The following SNAP91 variants were observed in gnomAD, a reference collection of about 807,000 sequenced individuals.
SNAP91 encodes the protein clathrin coat assembly protein AP180.
A neutral mutation model predicts 100.3 loss-of-function variants in SNAP91; 27 were observed. The ratio of observed to expected loss-of-function variants is 0.27; its 90% CI spans 0.20 to 0.37. The LOEUF (loss-of-function observed/expected upper bound fraction) is 0.37, where lower values mean the gene tolerates loss of function less well. SNAP91 is among the 10% of genes least tolerant of loss of function. SNAP91 has a pLI of 1.00. For missense variants in SNAP91, 986 were observed against 1,123.7 expected, an observed-to-expected ratio of 0.88 and a Z score of 1.75; for synonymous variants, 404 against 398.6, an observed-to-expected ratio of 1.01 and a Z score of -0.16.
chr6:83,616,011 C>G (rs1228603218), intron 10 of SNAP91, among the ~76,000 whole-genome samples: 1 of 152,154 alleles, frequency 6.6e-6, no homozygotes, highest in South Asian at 2.1e-4. Flanking sequence ...AGATTCCAAG[C>G]TCTCCCTGTA....
At chr6:83,670,244 CT>C (rs34522653) in intron 2 of SNAP91, among the ~76,000 whole-genome samples, 20,628 of 140,594 alleles carry the variant, frequency 0.15, 3,650 homozygotes, top group African/African-American at 0.44. Context: ...TGATATGGTC[CT>C]TTTTTTTTTT....
intron 8 of SNAP91, among the ~76,000 whole-genome samples, chr6:83,627,168 T>G (rs1188560710): frequency 1.3e-5 from 2 of 152,170 alleles, no homozygotes; most frequent in Non-Finnish European, 2.9e-5. Flanking sequence ...TTTGCATATG[T>G]TGAACCAACC....
At chr6:83,692,606 A>G (rs1168212885) in intron 2 of SNAP91, among the ~76,000 whole-genome samples, 1 of 152,158 alleles carries the variant, frequency 6.6e-6, no homozygotes, top group Non-Finnish European at 1.5e-5. Flanking sequence ...AAATTAATGT[A>G]GCTAAGATCA....
At chr6:83,587,737 T>C (rs1485227289) in intron 22 of SNAP91, among the ~76,000 whole-genome samples, 2 of 152,192 alleles carry the variant, frequency 1.3e-5, no homozygotes, top group Admixed American at 6.5e-5. Flanking sequence ...TGGTTTTATA[T>C]TGCGTTTATT....
chr6:83,686,348 A>G (rs1032098827), intron 2 of SNAP91: 1 of 213,590 alleles, frequency 4.7e-6, no homozygotes, highest in East Asian at 1.9e-4. Flanking sequence ...CTCTCAATAA[A>G]ATTCACTACT....
At chr6:83,659,217 G>A (rs1051569467) in intron 5 of SNAP91, 125 bp from the exon 6 acceptor site, 2 of 704,634 alleles carry the variant, frequency 2.8e-6, no homozygotes, top group Admixed American at 2.8e-5. Context: ...GGATCAATTT[G>A]AGGTATTACA....
At position 83,637,258 on chromosome 6, in the gene SNAP91, G is replaced by T. The variant is rs1170539615; in HGVS notation, c.765+3838C>A. 2.0e-5 allele frequency among the ~76,000 whole-genome samples: 3 copies of T among 152,278 alleles called. No homozygotes were observed. In the East Asian group the frequency reaches 5.8e-4, roughly 29 times the overall value. ...CCATGTTTTCTTTGCTCAAAAGGGG[G>T]CTTTGGCAGGCTGTGCTACCCTCTC... On this transcript the variant is annotated intron_variant, in intron 8 of 29. Coordinates refer to ENST00000369694, the MANE Select transcript of SNAP91 (RefSeq NM_001242792.2).
intron 11 of SNAP91, among the ~76,000 whole-genome samples, chr6:83,614,080 TAA>T (rs1468111657): frequency 6.6e-6 from 1 of 152,202 alleles, no homozygotes; most frequent in African/African-American, 2.4e-5. Context: ...AATATTTTGT[TAA>T]GTTTTATATG....
In SNAP91 at chr6:83,553,500, CACAA is replaced by C. The variant is rs796253985; in HGVS notation, c.*792_*795del. ...TCTAACCGCATTTTCATGAACATGACACAAACAGACCCTTTACTTTTCAGTGCAT... is the reference window on the plus strand; with the variant it reads ...TCTAACCGCATTTTCATGAACATGACACAGACCCTTTACTTTTCAGTGCAT... On this transcript the variant is annotated 3_prime_UTR_variant, in exon 30 of 30. Transcript: ENST00000369694. 5 of 152,198 alleles carry C rather than the reference CACAA, an allele frequency of 3.3e-5. No homozygotes were observed. Among genetic ancestry groups the C allele is most frequent in the African/African-American group, 9.6e-5 (4 of 41,542 alleles). The allele number at this position is 152,198 out of a possible 1,614,324, so 9.4% of individuals were successfully genotyped here.
chr6:83,683,694 T>G (rs2099022740), intron 2 of SNAP91, among the ~76,000 whole-genome samples: 1 of 152,236 alleles, frequency 6.6e-6, no homozygotes, highest in Admixed American at 6.5e-5. Flanking sequence ...CAAAATGGAC[T>G]AACACATTAA....
chr6:83,632,145 T>C (rs976663939), intron 8 of SNAP91, among the ~76,000 whole-genome samples: 1 of 152,142 alleles, frequency 6.6e-6, no homozygotes, highest in Admixed American at 6.5e-5. Context: ...TGGCTGATAA[T>C]TGTTTTATTT....
chr6:83,613,348 T>A (rs2096272578), intron 11 of SNAP91, among the ~76,000 whole-genome samples: 1 of 152,242 alleles, frequency 6.6e-6, no homozygotes, highest in African/African-American at 2.4e-5. Context: ...TGAATTTTTA[T>A]ATTAGAATAT....
At chr6:83,653,242 C>T (rs1186931015) in intron 7 of SNAP91, among the ~76,000 whole-genome samples, 1 of 152,096 alleles carries the variant, frequency 6.6e-6, no homozygotes, top group Non-Finnish European at 1.5e-5. Context: ...TGCTGTCCCA[C>T]AGTCTTATTC....
At chr6:83,690,177 C>T (rs1045497130) in intron 2 of SNAP91, 1 of 608,252 alleles carries the variant, frequency 1.6e-6, no homozygotes, top group Admixed American at 5.7e-5. Flanking sequence ...GTTACGAAAG[C>T]AATAACTTAA....
At chr6:83,611,539 G>A in intron 11 of SNAP91, 3 of 418,316 alleles carry the variant, frequency 7.2e-6, no homozygotes, top group Non-Finnish European at 9.5e-6. Flanking sequence ...TGCATGGCAG[G>A]GATGACTTTT....
rs1386535476 is a variant in SNAP91 at position 83,668,008 on chromosome 6, C to A, written c.131-2427G>T. ...AGAAAAAAACAAACAACCCCATCAA[C>A]AAGTGGGCAAAGGATATGAACAGAC... On this transcript the variant is annotated intron_variant, in intron 2 of 29. Coordinates refer to ENST00000369694, the MANE Select transcript of SNAP91 (RefSeq NM_001242792.2). 9.9e-5 allele frequency among the ~76,000 whole-genome samples: 15 copies of A among 152,012 alleles called. No homozygotes were observed. In the South Asian group the frequency reaches 2.5e-3, roughly 25 times the overall value.
chr6:83,639,773 G>A (rs2097604959), intron 8 of SNAP91, among the ~76,000 whole-genome samples: 1 of 152,042 alleles, frequency 6.6e-6, no homozygotes, highest in South Asian at 2.1e-4. Context: ...TAACAAATGA[G>A]AAACTGGGAT....
intron 3 of SNAP91, among the ~76,000 whole-genome samples, chr6:83,665,033 T>C (rs1276282389): frequency 6.6e-6 from 1 of 152,094 alleles, no homozygotes; most frequent in African/African-American, 2.4e-5. Context: ...CAATAAAGGA[T>C]TTTTAAATTA....
chr6:83,598,007 T>C (rs2224195), intron 16 of SNAP91, among the ~76,000 whole-genome samples: 84,613 of 152,036 alleles, frequency 0.56, 24,891 homozygotes, highest in African/African-American at 0.74. Flanking sequence ...CTACTAACCT[T>C]ATGAAGGTTT....
Sources: allele counts gnomAD v4.1 joint callset (sites outside exome capture counted in the v4.1 genomes callset), GRCh38; gene constraint gnomAD v4.1.1; transcripts MANE v1.5; gene names NCBI Gene and HGNC (gene_info 2026-07-23, HGNC 2026-07-21).